Variants in PPP1R12B observed in about 807,000 individuals in gnomAD.
PPP1R12B encodes myosin phosphatase target subunit 2.
In PPP1R12B, 76 loss-of-function variants were observed where a neutral mutation model predicts 126.1. The ratio of observed to expected loss-of-function variants is 0.60; its 90% CI spans 0.50 to 0.73. PPP1R12B has a LOEUF of 0.73. Ranked by LOEUF, PPP1R12B falls within the 30% of genes least tolerant of loss-of-function variation. PPP1R12B has a pLI of 0.00. For missense variants in PPP1R12B, 1,052 were observed against 1,205.1 expected, an observed-to-expected ratio of 0.87 and a Z score of 1.88; for synonymous variants, 356 against 434.7, an observed-to-expected ratio of 0.82 and a Z score of 2.25.
intron 19 of PPP1R12B, 140 bp from the exon 20 acceptor site, chr1:202,562,638 A>G (rs1687643102): frequency 2.0e-6 from 2 of 983,446 alleles, no homozygotes; most frequent in Admixed American, 1.7e-5. Flanking sequence ...GAGAGATTGA[A>G]GGAAAGAATG....
intron 8 of PPP1R12B, 60 bp from the exon 9 acceptor site, chr1:202,434,596 T>G: frequency 6.4e-7 from 1 of 1,568,402 alleles, no homozygotes; most frequent in Non-Finnish European, 8.6e-7. Flanking sequence ...GAAAAGGACA[T>G]AGACACAAAG....
chr1:202,407,001 C>T (rs545209297), intron 1 of PPP1R12B, among the ~76,000 whole-genome samples: 18 of 152,306 alleles, frequency 1.2e-4, no homozygotes, highest in African/African-American at 3.8e-4. Context: ...CTGGAACATA[C>T]AACTTCTGTT....
intron 1 of PPP1R12B, among the ~76,000 whole-genome samples, chr1:202,416,316 C>G (rs1158140604): frequency 6.6e-6 from 1 of 151,936 alleles, no homozygotes; most frequent in Non-Finnish European, 1.5e-5. Flanking sequence ...GACCTGAGGT[C>G]GGGAGTTCGA....
intron 1 of PPP1R12B, among the ~76,000 whole-genome samples, chr1:202,375,462 A>G (rs1418053148): frequency 6.6e-6 from 1 of 152,072 alleles, no homozygotes; most frequent in Non-Finnish European, 1.5e-5. Flanking sequence ...CTACTTCCAC[A>G]ATCCTTATTG....
chr1:202,353,915 T>C (rs1466004921), intron 1 of PPP1R12B, among the ~76,000 whole-genome samples: 1 of 151,646 alleles, frequency 6.6e-6, no homozygotes, highest in Non-Finnish European at 1.5e-5. Context: ...GCCTGGCCTC[T>C]CCCCAATTCT....
At chr1:202,526,308 A>G (rs1683344310) in intron 18 of PPP1R12B, among the ~76,000 whole-genome samples, 1 of 152,230 alleles carries the variant, frequency 6.6e-6, no homozygotes, top group African/African-American at 2.4e-5. Flanking sequence ...AACGTGAGGA[A>G]GGAGGTGTTG....
intron 19 of PPP1R12B, 173 bp from the exon 20 acceptor site, chr1:202,562,605 C>A: frequency 1.2e-6 from 1 of 811,946 alleles, no homozygotes; most frequent in Non-Finnish European, 2.2e-6. Context: ...GCAGTTTAGC[C>A]CTGAGGTCTG....
intron 18 of PPP1R12B, among the ~76,000 whole-genome samples, chr1:202,515,328 T>G (rs1274196745): frequency 6.6e-6 from 1 of 152,132 alleles, no homozygotes. Context: ...AAGAGTAGTA[T>G]TCAACCAAAC....
intron 1 of PPP1R12B, among the ~76,000 whole-genome samples, chr1:202,375,693 G>A (rs1413811403): frequency 6.6e-6 from 1 of 152,218 alleles, no homozygotes; most frequent in African/African-American, 2.4e-5. Flanking sequence ...TAGGTCTACA[G>A]GTGTGTGCCA....
chr1:202,552,278 A>C (rs1217507229), intron 18 of PPP1R12B, among the ~76,000 whole-genome samples: 1 of 152,156 alleles, frequency 6.6e-6, no homozygotes, highest in Admixed American at 6.5e-5. Context: ...AATTACTAGA[A>C]CAATGCAGGC....
intron 1 of PPP1R12B, among the ~76,000 whole-genome samples, chr1:202,414,821 C>T (rs1380299760): frequency 6.6e-6 from 1 of 151,926 alleles, no homozygotes; most frequent in East Asian, 1.9e-4. Context: ...ATGGTCTTGC[C>T]CTGTCACTCA....
chr1:202,490,925 A>G (rs1678777841), intron 14 of PPP1R12B, among the ~76,000 whole-genome samples: 1 of 152,214 alleles, frequency 6.6e-6, no homozygotes, highest in Non-Finnish European at 1.5e-5. Context: ...GAGAATGGCT[A>G]TACAAATATC....
intron 18 of PPP1R12B, among the ~76,000 whole-genome samples, chr1:202,538,714 A>G (rs1684802469): frequency 6.6e-6 from 1 of 152,346 alleles, no homozygotes; most frequent in African/African-American, 2.4e-5. Context: ...GTGTAGTGGT[A>G]ACAACAAAGT....
At chr1:202,505,633 C>T (rs752782949) in intron 18 of PPP1R12B, among the ~76,000 whole-genome samples, 6 of 152,274 alleles carry the variant, frequency 3.9e-5, no homozygotes, top group Non-Finnish European at 7.4e-5. Flanking sequence ...AGGTATTTCC[C>T]AGACAAGATT....
At chr1:202,538,846 A>G (rs1684817905) in intron 18 of PPP1R12B, among the ~76,000 whole-genome samples, 1 of 152,186 alleles carries the variant, frequency 6.6e-6, no homozygotes, top group African/African-American at 2.4e-5. Flanking sequence ...GTAGCCTTGC[A>G]ATTGCACTAC....
At chr1:202,501,911 A>G in intron 18 of PPP1R12B, 12 of 984,910 alleles carry the variant, frequency 1.2e-5, no homozygotes, top group Non-Finnish European at 1.4e-5. Context: ...CCTTGAGTGA[A>G]GGAACGTCTT....
chr1:202,528,892 A>G (rs1683636917), intron 18 of PPP1R12B, among the ~76,000 whole-genome samples: 1 of 152,168 alleles, frequency 6.6e-6, no homozygotes, highest in Non-Finnish European at 1.5e-5. Flanking sequence ...CTTTTATGTC[A>G]TCTTCAGAGC....
At chr1:202,355,087 T>A (rs1426812992) in intron 1 of PPP1R12B, among the ~76,000 whole-genome samples, 1 of 151,988 alleles carries the variant, frequency 6.6e-6, no homozygotes, top group Non-Finnish European at 1.5e-5. Context: ...GTATTTTTAG[T>A]AGAGACGGGG....
At chr1:202,377,235 T>TC (rs1661312457) in intron 1 of PPP1R12B, among the ~76,000 whole-genome samples, 1 of 152,188 alleles carries the variant, frequency 6.6e-6, no homozygotes. Flanking sequence ...AAAGGCATGG[T>TC]TCCTGGCAGG....
Sources: allele counts gnomAD v4.1 joint callset (sites outside exome capture counted in the v4.1 genomes callset), GRCh38; gene constraint gnomAD v4.1.1; transcripts MANE v1.5; gene names NCBI Gene and HGNC (gene_info 2026-07-23, HGNC 2026-07-21).